Variants in HSD17B12 observed in about 807,000 individuals in gnomAD.
HSD17B12 encodes very-long-chain 3-oxoacyl-CoA reductase.
In HSD17B12, 32 loss-of-function variants were observed where a neutral mutation model predicts 39.3. That is an observed-to-expected ratio of 0.81 (90% CI 0.61 to 1.09). The LOEUF (loss-of-function observed/expected upper bound fraction) is 1.09, where lower values mean the gene tolerates loss of function less well. HSD17B12 is among the 50% of genes least tolerant of loss of function. The pLI is 0.00. For synonymous variants in HSD17B12, 150 were observed against 146.7 expected (o/e 1.02, Z -0.16); for missense variants, 342 against 382.9 (o/e 0.89, Z 0.89).
At chr11:43,757,735 A>C (rs889386511) in intron 3 of HSD17B12, among the ~76,000 whole-genome samples, 1 of 151,920 alleles carries the variant, frequency 6.6e-6, no homozygotes, top group African/African-American at 2.4e-5. Context: ...CAGACAAATA[A>C]ATAATTGCAG....
At chr11:43,842,223 G>A (rs953689026) in intron 9 of HSD17B12, among the ~76,000 whole-genome samples, 1 of 152,150 alleles carries the variant, frequency 6.6e-6, no homozygotes, top group Non-Finnish European at 1.5e-5. Flanking sequence ...ATCAAGATGG[G>A]TGTAAATGTC....
chr11:43,659,270 G>A, the HSD17B12 span, among the ~76,000 whole-genome samples: 25 of 152,066 alleles, frequency 1.6e-4, no homozygotes, highest in East Asian at 2.3e-3. Context: ...GGAGTGACCC[G>A]ATTTTCCAGT....
At chr11:43,854,656 T>G in intron 9 of HSD17B12, 59 bp from the exon 10 acceptor site, 1 of 1,571,708 alleles carries the variant, frequency 6.4e-7, no homozygotes, top group South Asian at 1.1e-5. Flanking sequence ...CTGTACATTC[T>G]GAGTTTGTGG....
chr11:43,828,537 T>G (rs1951273858), intron 6 of HSD17B12, among the ~76,000 whole-genome samples: 1 of 150,392 alleles, frequency 6.6e-6, no homozygotes, highest in Non-Finnish European at 1.5e-5. Context: ...AAATCATGTT[T>G]ACTACTACTT....
intron 4 of HSD17B12, among the ~76,000 whole-genome samples, chr11:43,802,366 C>CA (rs1449084363): frequency 6.6e-6 from 1 of 151,902 alleles, no homozygotes; most frequent in Non-Finnish European, 1.5e-5. Flanking sequence ...ATAATCAATA[C>CA]AAAAAAATTT....
chr11:43,703,410 G>A (rs1019144775), intron 1 of HSD17B12, among the ~76,000 whole-genome samples: 15 of 152,088 alleles, frequency 9.9e-5, no homozygotes, highest in African/African-American at 3.6e-4. Flanking sequence ...TAGCCGGGAT[G>A]GTCTCGATCT....
At chr11:43,745,915 CAAG>C (rs1237731048) in intron 1 of HSD17B12, among the ~76,000 whole-genome samples, 1 of 152,018 alleles carries the variant, frequency 6.6e-6, no homozygotes, top group East Asian at 1.9e-4. Flanking sequence ...GGGGCTAAGA[CAAG>C]AGGATCACTT....
At chr11:43,583,682 G>GT in the HSD17B12 span, among the ~76,000 whole-genome samples, 3 of 150,488 alleles carry the variant, frequency 2.0e-5, no homozygotes, top group Non-Finnish European at 4.4e-5. Context: ...GGGCAAAGTG[G>GT]GGGGGGGTGC....
At chr11:43,641,851 G>A in the HSD17B12 span, among the ~76,000 whole-genome samples, 1 of 151,952 alleles carries the variant, frequency 6.6e-6, no homozygotes, top group African/African-American at 2.4e-5. Context: ...CAATTAAATT[G>A]TCTAAACAAA....
the HSD17B12 span, among the ~76,000 whole-genome samples, chr11:43,636,016 T>C: frequency 0.18 from 27,826 of 152,248 alleles, 3,033 homozygotes; most frequent in Middle Eastern, 0.27. Context: ...GTGTTGACTT[T>C]AGGTCTTTTG....
At chr11:43,792,597 C>T (rs900655852) in intron 3 of HSD17B12, among the ~76,000 whole-genome samples, 1 of 150,954 alleles carries the variant, frequency 6.6e-6, no homozygotes, top group African/African-American at 2.4e-5. Context: ...TTTCTTATAA[C>T]TCTAAAATGT....
intron 1 of HSD17B12, among the ~76,000 whole-genome samples, chr11:43,692,343 G>A (rs1293164016): frequency 6.6e-6 from 1 of 152,118 alleles, no homozygotes; most frequent in African/African-American, 2.4e-5. Context: ...ACCAAGGCTG[G>A]TTAGACAAAG....
At chr11:43,735,460 C>A (rs1230730585) in intron 1 of HSD17B12, among the ~76,000 whole-genome samples, 7 of 152,188 alleles carry the variant, frequency 4.6e-5, no homozygotes, top group Non-Finnish European at 8.8e-5. Context: ...TTACGGTCAA[C>A]CTAGTGTGTC....
the HSD17B12 span, among the ~76,000 whole-genome samples, chr11:43,625,596 C>A: frequency 6.6e-6 from 1 of 151,148 alleles, no homozygotes; most frequent in Non-Finnish European, 1.5e-5. Context: ...TTTATTTGAA[C>A]CTTATTTTAA....
At chr11:43,840,494 T>G (rs1309039670) in intron 9 of HSD17B12, among the ~76,000 whole-genome samples, 1 of 152,148 alleles carries the variant, frequency 6.6e-6, no homozygotes, top group East Asian at 1.9e-4. Context: ...AGAACTTTTT[T>G]CATCTTCCAA....
At chr11:43,576,765 C>G in the HSD17B12 span, among the ~76,000 whole-genome samples, 1 of 151,960 alleles carries the variant, frequency 6.6e-6, no homozygotes, top group South Asian at 2.1e-4. Context: ...TAGCTGTGTG[C>G]GTGTGTATGT....
chr11:43,652,964 T>C, the HSD17B12 span, among the ~76,000 whole-genome samples: 7 of 152,158 alleles, frequency 4.6e-5, no homozygotes, highest in Non-Finnish European at 1.0e-4. Flanking sequence ...GTTCAGATTC[T>C]TGGGCTCTCT....
At chr11:43,619,107 T>C in the HSD17B12 span, among the ~76,000 whole-genome samples, 2 of 146,296 alleles carry the variant, frequency 1.4e-5, no homozygotes, top group Non-Finnish European at 1.5e-5. Context: ...AGAACCATAG[T>C]TCCAAAATGA....
chr11:43,802,703 G>C (rs1950983437), intron 4 of HSD17B12, among the ~76,000 whole-genome samples: 1 of 152,146 alleles, frequency 6.6e-6, no homozygotes, highest in Non-Finnish European at 1.5e-5. Context: ...TAGTTCTACT[G>C]TCCCCTAGTG....
Sources: gnomAD v4.1 joint callset for allele counts (sites outside exome capture counted in the v4.1 genomes callset) on GRCh38, gnomAD v4.1.1 for gene constraint, MANE v1.5 for transcripts, NCBI Gene and HGNC (gene_info 2026-07-23, HGNC 2026-07-21) for gene names.